Variants in NNT observed in about 807,000 individuals in gnomAD.
NNT encodes NAD(P) transhydrogenase, mitochondrial.
In NNT, 50 loss-of-function variants were observed where a neutral mutation model predicts 104.8. That is an observed-to-expected ratio of 0.48 (90% CI 0.38 to 0.60). The LOEUF (loss-of-function observed/expected upper bound fraction) is 0.60. Among genes scored for constraint, NNT ranks in the 20% least tolerant of loss-of-function variants. The pLI, the probability that NNT is intolerant of heterozygous loss-of-function variation, is 0.00. For synonymous variants in NNT, 461 were observed against 490.4 expected (o/e 0.94, Z 0.79); for missense variants, 1,131 against 1,330.7 (o/e 0.85, Z 2.33).
At chr5:43,687,390 T>C (rs1198711947) in intron 19 of NNT, among the ~76,000 whole-genome samples, 1 of 152,180 alleles carries the variant, frequency 6.6e-6, no homozygotes, top group East Asian at 1.9e-4. Flanking sequence ...CTGGATATTC[T>C]TCATGTGATG....
rs1424210327 is a variant in NNT, at chr5:43,636,073, G to A, written c.964+7686G>A. 3.3e-5 allele frequency among the ~76,000 whole-genome samples: 5 copies of A among 152,202 alleles called. No individual in the cohort carries two copies. The East Asian group carries it at 7.7e-4, about 23-fold the overall frequency. Reference sequence around the variant, plus strand: ...CCAGATAGAGTAGATTAAAATTCTGGTTCCACTACTTAACAGCTGATTTGT... The same window carrying A: ...CCAGATAGAGTAGATTAAAATTCTGATTCCACTACTTAACAGCTGATTTGT... On this transcript the variant is annotated intron_variant, in intron 7 of 21. Transcript: ENST00000344920.
chr5:43,702,220 T>A (rs1201658776), intron 20 of NNT, among the ~76,000 whole-genome samples: 3 of 152,188 alleles, frequency 2.0e-5, no homozygotes, highest in Non-Finnish European at 4.4e-5. Flanking sequence ...TAGGTTTTCT[T>A]CTTGGATTCT....
At chr5:43,644,135 C>G in intron 7 of NNT, 57 bp from the exon 8 acceptor site, 1 of 1,489,648 alleles carries the variant, frequency 6.7e-7, no homozygotes, top group Non-Finnish European at 9.2e-7. Flanking sequence ...AATAATTAGA[C>G]TTTAAGGTGT....
intron 17 of NNT, among the ~76,000 whole-genome samples, chr5:43,671,069 G>C (rs1741047876): frequency 6.6e-6 from 1 of 152,044 alleles, no homozygotes; most frequent in African/African-American, 2.4e-5. Context: ...ATATTTGTTG[G>C]TTTAAAGTCT....
chr5:43,701,392 G>C (rs1423001007), intron 20 of NNT, among the ~76,000 whole-genome samples: 3 of 152,104 alleles, frequency 2.0e-5, no homozygotes, highest in Non-Finnish European at 4.4e-5. Context: ...CTGTTTCCAT[G>C]TTGCTGGAAA....
chr5:43,684,190 A>G (rs1185842497), intron 19 of NNT, among the ~76,000 whole-genome samples: 1 of 151,650 alleles, frequency 6.6e-6, no homozygotes, highest in Non-Finnish European at 1.5e-5. Context: ...TGTTCCCCTG[A>G]GATATTTTCG....
intron 3 of NNT, chr5:43,613,340 T>C (rs1749603631): frequency 1.9e-6 from 1 of 513,772 alleles, no homozygotes. Context: ...TGTTTAACCA[T>C]GAGGAGAGAA....
intron 5 of NNT, among the ~76,000 whole-genome samples, chr5:43,619,784 A>T (rs1749975816): frequency 1.3e-5 from 2 of 152,210 alleles, no homozygotes; most frequent in South Asian, 4.1e-4. Flanking sequence ...AATTTATTTT[A>T]AAAAAGAGGT....
chr5:43,611,523 A>G (rs1232586494), intron 2 of NNT, among the ~76,000 whole-genome samples: 1 of 152,170 alleles, frequency 6.6e-6, no homozygotes, highest in African/African-American at 2.4e-5. Flanking sequence ...GTCAATCCAA[A>G]TATTTGCCAG....
At chr5:43,680,653 C>T (rs1741656157) in intron 19 of NNT, among the ~76,000 whole-genome samples, 1 of 152,184 alleles carries the variant, frequency 6.6e-6, no homozygotes, top group South Asian at 2.1e-4. Context: ...TCCTGTTTTC[C>T]TTTACTTTGC....
chr5:43,649,442 T>A, intron 11 of NNT, 134 bp downstream of exon 11: 1 of 1,006,432 alleles, frequency 9.9e-7, no homozygotes, highest in South Asian at 1.5e-5. Flanking sequence ...GCTTTGGTGA[T>A]CTAAGGGCTC....
chr5:43,646,038 A>G (rs1187033234), intron 10 of NNT, among the ~76,000 whole-genome samples: 1 of 152,080 alleles, frequency 6.6e-6, no homozygotes. Context: ...AATTGTCAAA[A>G]TTAGTAAATG....
chr5:43,645,603 ACG>A, intron 10 of NNT, 93 bp downstream of exon 10: 1 of 608,978 alleles, frequency 1.6e-6, no homozygotes, highest in Non-Finnish European at 2.3e-6. Context: ...AGCTATATAT[ACG>A]TATATATAGA....
intron 17 of NNT, among the ~76,000 whole-genome samples, chr5:43,662,111 A>G (rs1740401047): frequency 6.6e-6 from 1 of 152,166 alleles, no homozygotes; most frequent in African/African-American, 2.4e-5. Context: ...AGCATGGGTA[A>G]TTTCTCATTT....
In NNT at chr5:43,615,983, A is replaced by G. The variant is rs1435433468; in HGVS notation, c.517A>G (p.Thr173Ala). Residue 173 changes from threonine (T) to alanine (A), a missense_variant, in exon 4 of 22, where the codon ACA becomes GCA. Physicochemically the swap from Thr to Ala is moderately conservative, Grantham distance 58. Transcript: ENST00000344920. ...AAATAAACTTTCCCAAAGAAAAACTACAGTTCTGGCAATGGACCAGGTTCC... is the reference window on the plus strand; with the variant it reads ...AAATAAACTTTCCCAAAGAAAAACTGCAGTTCTGGCAATGGACCAGGTTCC... Reference protein sequence around the residue: ...LLNKLSQRKTTVLAMDQVPRV... With the variant: ...LLNKLSQRKTAVLAMDQVPRV... 4 of 1,614,062 alleles carry G rather than the reference A, an allele frequency of 2.5e-6. No individual in the cohort carries two copies. Among genetic ancestry groups the G allele is most frequent in the African/African-American group, 2.7e-5 (2 of 74,922 alleles).
At chr5:43,693,466 G>T (rs926719785) in intron 19 of NNT, among the ~76,000 whole-genome samples, 8 of 152,130 alleles carry the variant, frequency 5.3e-5, no homozygotes, top group African/African-American at 1.9e-4. Flanking sequence ...TTAAAGTAGA[G>T]ATCTCAGCAG....
chr5:43,650,552 C>G lies in NNT; in HGVS notation c.1682C>G (p.Ala561Gly). 6.2e-7 allele frequency: 1 copy of G among 1,614,070 alleles called. No individual in the cohort carries two copies. The highest frequency in any genetic ancestry group is 8.5e-7 in the Non-Finnish European group (1 of 1,179,970). ...TCCACAACTTCTCAGGGCCTTGCTG[C>G]TCTTGCTGCATTCATATCCTCTGTC... is the stretch of plus-strand genomic sequence containing the variant. The part of the protein sequence containing the change: ...YPSTTSQGLA[A>G]LAAFISSVNI... Residue 561 changes from alanine to glycine, a missense_variant, in exon 12 of 22, where the codon GCT becomes GGT. Coordinates refer to ENST00000344920, the MANE Select transcript of NNT (RefSeq NM_182977.3).
At chr5:43,650,691 C>A in intron 12 of NNT, 104 bp downstream of exon 12, 1 of 781,168 alleles carries the variant, frequency 1.3e-6, no homozygotes, top group Non-Finnish European at 2.0e-6. Flanking sequence ...AAAAATGTTT[C>A]ACTCTGACCG....
In NNT at chr5:43,665,819, C is replaced by CCT. The variant is rs1439169969; in HGVS notation, c.2634+6470_2634+6471insTC. On this transcript the variant is annotated intron_variant, in intron 17 of 21. Transcript: ENST00000344920. ...CGGGGCAGCCAGGCAGAGGCGCACC[C>CCT]CACCTCCTGGACGGGGTGGCTGGCC... is the stretch of plus-strand genomic sequence containing the variant. Among the ~76,000 whole-genome samples, 38 of 89,882 alleles carry CCT rather than the reference C, an allele frequency of 4.2e-4. 11 individuals are homozygous for CCT. Among genetic ancestry groups the CCT allele is most frequent in the Non-Finnish European group, 7.4e-4 (22 of 29,926 alleles). 59.0% of individuals were successfully genotyped at this position (89,882 alleles called of 152,430 possible).
Sources: gnomAD v4.1 joint callset for allele counts (sites outside exome capture counted in the v4.1 genomes callset) on GRCh38, gnomAD v4.1.1 for gene constraint, MANE v1.5 for transcripts, NCBI Gene and HGNC (gene_info 2026-07-23, HGNC 2026-07-21) for gene names.